Variants in PLXDC2 observed in about 807,000 individuals in gnomAD.
The protein encoded by PLXDC2 is plexin domain containing 2.
In PLXDC2, 40 loss-of-function variants were observed where a neutral mutation model predicts 68.9. The observed-to-expected ratio is 0.58, with a 90% CI of 0.45 to 0.76. The LOEUF (loss-of-function observed/expected upper bound fraction) is 0.76. Among genes scored for constraint, PLXDC2 ranks in the 30% least tolerant of loss-of-function variants. The pLI is 0.00. For synonymous variants in PLXDC2, 243 were observed against 234.2 expected, an observed-to-expected ratio of 1.04 and a Z score of -0.34; for missense variants, 644 against 661.9, an observed-to-expected ratio of 0.97 and a Z score of 0.30.
chr10:19,874,682 T>C (rs1451210652), intron 1 of PLXDC2, among the ~76,000 whole-genome samples: 1 of 152,224 alleles, frequency 6.6e-6, no homozygotes, highest in Non-Finnish European at 1.5e-5. Context: ...TGGGGTATTA[T>C]TAGACAAGGC....
intron 1 of PLXDC2, among the ~76,000 whole-genome samples, chr10:19,944,974 A>T (rs1235761634): frequency 6.6e-6 from 1 of 152,096 alleles, no homozygotes; most frequent in African/African-American, 2.4e-5. Flanking sequence ...AACAAAACAA[A>T]AAAAGAAACA....
chr10:20,176,363 T>G (rs1335467628), intron 7 of PLXDC2, among the ~76,000 whole-genome samples: 1 of 150,168 alleles, frequency 6.7e-6, no homozygotes, highest in African/African-American at 2.4e-5. Flanking sequence ...ATCAAGCTAA[T>G]TAACACATTC....
At chr10:19,887,371 AT>A (rs1363457802) in intron 1 of PLXDC2, among the ~76,000 whole-genome samples, 1 of 152,136 alleles carries the variant, frequency 6.6e-6, no homozygotes, top group East Asian at 1.9e-4. Context: ...AAATACAAAA[AT>A]TAGCGAGGTG....
chr10:19,819,559 C>A (rs554578734), intron 1 of PLXDC2, among the ~76,000 whole-genome samples: 7 of 152,328 alleles, frequency 4.6e-5, no homozygotes, highest in Middle Eastern at 3.4e-3. Flanking sequence ...GGCACAGGAA[C>A]AACATCTGAT....
intron 3 of PLXDC2, among the ~76,000 whole-genome samples, chr10:20,062,125 G>T (rs550852555): frequency 6.6e-6 from 1 of 152,250 alleles, no homozygotes; most frequent in Non-Finnish European, 1.5e-5. Context: ...AACTTTAAAA[G>T]GCTTTAAAAG....
chr10:19,845,535 C>T (rs1340001023), intron 1 of PLXDC2, among the ~76,000 whole-genome samples: 2 of 152,054 alleles, frequency 1.3e-5, no homozygotes, highest in African/African-American at 4.8e-5. Flanking sequence ...GGCAGGTGAC[C>T]CCCAAAGTGG....
chr10:20,009,069 T>C (rs551726833), intron 2 of PLXDC2, among the ~76,000 whole-genome samples: 1 of 152,228 alleles, frequency 6.6e-6, no homozygotes, highest in Non-Finnish European at 1.5e-5. Context: ...ACTCCTCTTC[T>C]ATATTTTAAG....
chr10:19,825,272 G>A (rs991263785), intron 1 of PLXDC2, among the ~76,000 whole-genome samples: 6 of 152,124 alleles, frequency 3.9e-5, no homozygotes, highest in African/African-American at 1.4e-4. Context: ...TGTAGGTAAG[G>A]TGTGTAGCTC....
intron 4 of PLXDC2, among the ~76,000 whole-genome samples, chr10:20,087,987 G>A (rs963888950): frequency 3.5e-4 from 53 of 152,254 alleles, no homozygotes; most frequent in African/African-American, 1.3e-3. Context: ...GTGCATTTTA[G>A]CCCATGTAGA....
At chr10:19,970,483 T>C (rs1834331496) in intron 1 of PLXDC2, among the ~76,000 whole-genome samples, 1 of 152,224 alleles carries the variant, frequency 6.6e-6, no homozygotes, top group Admixed American at 6.5e-5. Context: ...CTTCTATATA[T>C]GATGAAAGCC....
chr10:20,103,696 C>T (rs1329092098), intron 4 of PLXDC2, among the ~76,000 whole-genome samples: 3 of 146,670 alleles, frequency 2.0e-5, no homozygotes, highest in Non-Finnish European at 3.0e-5. Flanking sequence ...TGCTGGAGTG[C>T]GGTGGCACGA....
chr10:20,272,063 G>T (rs911686380), intron 13 of PLXDC2, among the ~76,000 whole-genome samples: 2 of 152,148 alleles, frequency 1.3e-5, no homozygotes, highest in African/African-American at 4.8e-5. Context: ...GCCAATAGTG[G>T]GAAGGGTGCA....
At chr10:20,015,305 T>G (rs1835192174) in intron 2 of PLXDC2, among the ~76,000 whole-genome samples, 1 of 152,202 alleles carries the variant, frequency 6.6e-6, no homozygotes. Flanking sequence ...AAGTGTTTTT[T>G]TTTCCAAAGT....
chr10:19,843,581 A>G (rs139261804), intron 1 of PLXDC2, among the ~76,000 whole-genome samples: 1 of 152,346 alleles, frequency 6.6e-6, no homozygotes, highest in African/African-American at 2.4e-5. Flanking sequence ...TATATACACA[A>G]TAGTTATCTG....
rs538209930 is a variant in PLXDC2, at chr10:19,864,523, A to T, written c.112+47332A>T. Among the ~76,000 whole-genome samples, 702 of 152,216 alleles carry T rather than the reference A, an allele frequency of 4.6e-3. 3 individuals are homozygous for T. The highest frequency in any genetic ancestry group is 6.7e-3 in the Admixed American group (103 of 15,274). On this transcript the variant is annotated intron_variant, in intron 1 of 13. Transcript: ENST00000377252. Reference sequence around the variant, plus strand: ...GAAAATCAAAAATGGAACAATTTAAATTTTTTTTATCAAAAATATTATCTT... The same window carrying T: ...GAAAATCAAAAATGGAACAATTTAATTTTTTTTTATCAAAAATATTATCTT...
At chr10:20,071,178 A>G (rs922912846) in intron 4 of PLXDC2, 6 of 152,216 alleles carry the variant, frequency 3.9e-5, no homozygotes, top group Non-Finnish European at 8.8e-5. Flanking sequence ...AGTCTCATGT[A>G]AAAGGTTCCA....
At chr10:19,948,781 G>A (rs990227489) in intron 1 of PLXDC2, among the ~76,000 whole-genome samples, 2 of 151,982 alleles carry the variant, frequency 1.3e-5, no homozygotes, top group South Asian at 2.1e-4. Context: ...TATTTCAGAC[G>A]CTCTGCTGCC....
At chr10:19,976,860 G>A (rs537449306) in intron 1 of PLXDC2, among the ~76,000 whole-genome samples, 90 of 141,822 alleles carry the variant, frequency 6.3e-4, no homozygotes, top group Non-Finnish European at 1.1e-3. Context: ...TATTTTTTCC[G>A]TTTCTTCCCC....
chr10:20,078,119 T>C (rs569566929), intron 4 of PLXDC2, among the ~76,000 whole-genome samples: 317 of 152,354 alleles, frequency 2.1e-3, no homozygotes, highest in Admixed American at 4.3e-3. Context: ...TTAAAGATTA[T>C]CTTGCAGAAA....
Sources: allele counts gnomAD v4.1 joint callset (sites outside exome capture counted in the v4.1 genomes callset), GRCh38; gene constraint gnomAD v4.1.1; transcripts MANE v1.5; gene names NCBI Gene and HGNC (gene_info 2026-07-23, HGNC 2026-07-21).